The following GRID2 variants were observed in gnomAD, a reference collection of about 807,000 sequenced individuals.
The protein encoded by GRID2 is glutamate ionotropic receptor delta type subunit 2.
GRID2 carries 33 observed loss-of-function variants against 114.8 expected under a neutral mutation model. The observed-to-expected ratio is 0.29, with a 90% CI of 0.22 to 0.38. The LOEUF (loss-of-function observed/expected upper bound fraction) is 0.38, where lower values mean the gene tolerates loss of function less well. Among genes scored for constraint, GRID2 ranks in the 10% least tolerant of loss-of-function variants. The pLI is 1.00. For synonymous variants in GRID2, 505 were observed against 449.9 expected (o/e 1.12, Z -1.55); for missense variants, 1,184 against 1,257.7 (o/e 0.94, Z 0.89).
intron 14 of GRID2, among the ~76,000 whole-genome samples, chr4:93,750,982 C>A (rs577462051): frequency 6.6e-6 from 1 of 152,228 alleles, no homozygotes; most frequent in African/African-American, 2.4e-5. Context: ...ACATGTTTTA[C>A]AGGGATAACT....
intron 10 of GRID2, among the ~76,000 whole-genome samples, chr4:93,450,509 G>C (rs1336403678): frequency 6.6e-6 from 1 of 151,620 alleles, no homozygotes; most frequent in African/African-American, 2.4e-5. Context: ...GAATAAATTA[G>C]ATCTTTAGTT....
At chr4:92,788,704 CAT>C (rs1739436136) in intron 2 of GRID2, among the ~76,000 whole-genome samples, 1 of 151,684 alleles carries the variant, frequency 6.6e-6, no homozygotes, top group South Asian at 2.1e-4. Context: ...AACACTTTTT[CAT>C]ATGTTTATTG....
chr4:93,073,827 A>G (rs916186472), intron 2 of GRID2, among the ~76,000 whole-genome samples: 1 of 152,168 alleles, frequency 6.6e-6, no homozygotes. Flanking sequence ...CCAATCACAA[A>G]TGAAAGGTGG....
At chr4:92,392,565 T>C (rs1303469760) in intron 1 of GRID2, among the ~76,000 whole-genome samples, 1 of 151,902 alleles carries the variant, frequency 6.6e-6, no homozygotes, top group East Asian at 1.9e-4. Flanking sequence ...ATTTCCCTGA[T>C]TTTCTGAAAG....
At chr4:93,775,721 C>G (rs1475798923), downstream of GRID2, among the ~76,000 whole-genome samples, 1 of 152,174 alleles carries the variant, frequency 6.6e-6, no homozygotes, top group African/African-American at 2.4e-5. Flanking sequence ...ATTAAGATAT[C>G]TGGTATCACT....
chr4:92,507,357 A>C (rs1243977656), intron 1 of GRID2, among the ~76,000 whole-genome samples: 2 of 151,686 alleles, frequency 1.3e-5, no homozygotes, highest in African/African-American at 4.8e-5. Flanking sequence ...GAAAATGAAA[A>C]ATTATATTAT....
At chr4:93,146,267 A>C (rs908133069) in intron 4 of GRID2, among the ~76,000 whole-genome samples, 1 of 152,174 alleles carries the variant, frequency 6.6e-6, no homozygotes, top group African/African-American at 2.4e-5. Context: ...TGACATCGAG[A>C]GTTAATTCTA....
At chr4:93,112,675 T>C (rs1424545089) in intron 4 of GRID2, among the ~76,000 whole-genome samples, 1 of 152,104 alleles carries the variant, frequency 6.6e-6, no homozygotes, top group Non-Finnish European at 1.5e-5. Flanking sequence ...AGAGCTGCCA[T>C]TGGCTTAAAC....
At chr4:92,733,771 T>C (rs1345597048) in intron 2 of GRID2, among the ~76,000 whole-genome samples, 1 of 152,088 alleles carries the variant, frequency 6.6e-6, no homozygotes, top group East Asian at 1.9e-4. Flanking sequence ...GCTGTGATCC[T>C]GGCTCTGTCC....
chr4:92,309,285 C>T (rs553289488), intron 1 of GRID2, among the ~76,000 whole-genome samples: 1 of 152,046 alleles, frequency 6.6e-6, no homozygotes, highest in African/African-American at 2.4e-5. Context: ...TTCAAAAGCA[C>T]ACTTTTTAAT....
rs375263216 is a variant in GRID2, at chr4:92,386,075, T to C, written c.88+81331T>C. Among the ~76,000 whole-genome samples the C allele has an allele frequency of 1.1e-4, 17 of 151,774 alleles. 1 individual carries two copies. The South Asian group carries it at 1.2e-3, about 11-fold the overall frequency. On this transcript the variant is annotated intron_variant, in intron 1 of 15. Transcript: ENST00000282020. ...TTCACTTTTATTTGTCAGTATTTTG[T>C]ATGATATTCTGTTCAATGACACCCT...
chr4:93,575,896 T>G (rs1163459053), intron 13 of GRID2, among the ~76,000 whole-genome samples: 1 of 152,190 alleles, frequency 6.6e-6, no homozygotes, highest in Non-Finnish European at 1.5e-5. Context: ...AGTGAAGGCC[T>G]TGATATTTTT....
chr4:93,240,547 G>C (rs1476003160), intron 8 of GRID2, among the ~76,000 whole-genome samples: 1 of 149,374 alleles, frequency 6.7e-6, no homozygotes, highest in Non-Finnish European at 1.5e-5. Flanking sequence ...TGCCAGTTTT[G>C]TTTTCTTCTC....
At chr4:93,090,833 C>T (rs951403028) in intron 3 of GRID2, among the ~76,000 whole-genome samples, 4 of 152,052 alleles carry the variant, frequency 2.6e-5, no homozygotes, top group African/African-American at 9.7e-5. Context: ...TTCAGGAACC[C>T]GCTGGGTGGA....
rs996580721 is a variant in GRID2, at chr4:93,535,687, G to T, written c.2193+20276G>T. On this transcript the variant is annotated intron_variant, in intron 13 of 15. Coordinates refer to ENST00000282020, the MANE Select transcript of GRID2 (RefSeq NM_001510.4). The stretch of plus-strand genomic sequence containing the variant: ...TTTTTCTTATACCTGTTGGCCATTT[G>T]TATACCCTCTTTTGAGAAAATCTAT... Among the ~76,000 whole-genome samples, 11 of 151,936 alleles carry T rather than the reference G, an allele frequency of 7.2e-5. No homozygotes were observed. The East Asian group carries it at 2.1e-3, about 29-fold the overall frequency.
At chr4:93,627,111 G>C (rs545114445) in intron 14 of GRID2, among the ~76,000 whole-genome samples, 1 of 152,158 alleles carries the variant, frequency 6.6e-6, no homozygotes, top group African/African-American at 2.4e-5. Flanking sequence ...AGTGCACAAA[G>C]ATTACTGCAT....
intron 11 of GRID2, among the ~76,000 whole-genome samples, chr4:93,480,910 C>T (rs1225890807): frequency 6.8e-6 from 1 of 146,666 alleles, no homozygotes; most frequent in African/African-American, 2.4e-5. Context: ...TGAATCTCTA[C>T]AGTAGGCCAG....
intron 2 of GRID2, among the ~76,000 whole-genome samples, chr4:92,890,813 C>G (rs1035422895): frequency 6.6e-6 from 1 of 152,106 alleles, no homozygotes; most frequent in Non-Finnish European, 1.5e-5. Flanking sequence ...CACATGCACA[C>G]GTATGTTTAC....
chr4:93,258,461 A>G (rs1428447193), intron 8 of GRID2, among the ~76,000 whole-genome samples: 1 of 151,786 alleles, frequency 6.6e-6, no homozygotes, highest in African/African-American at 2.4e-5. Flanking sequence ...TGAAAGAATT[A>G]AAGTTATATC....
Sources: gnomAD v4.1 joint callset for allele counts (sites outside exome capture counted in the v4.1 genomes callset) on GRCh38, gnomAD v4.1.1 for gene constraint, MANE v1.5 for transcripts, NCBI Gene and HGNC (gene_info 2026-07-23, HGNC 2026-07-21) for gene names.